Variants in GPC3 observed in about 807,000 individuals in gnomAD.
GPC3 encodes glypican 3, also known as glypican-3.
GPC3 carries 3 observed loss-of-function variants against 34.4 expected under a neutral mutation model. That is an observed-to-expected ratio of 0.09 (90% CI 0.04 to 0.23). GPC3 has a LOEUF of 0.23. Among genes scored for constraint, GPC3 ranks in the 10% least tolerant of loss-of-function variants. The pLI is 1.00. For synonymous variants in GPC3, 177 were observed against 174.0 expected, an observed-to-expected ratio of 1.02 and a Z score of -0.13; for missense variants, 351 against 445.6, an observed-to-expected ratio of 0.79 and a Z score of 1.91.
intron 2 of GPC3, among the ~76,000 whole-genome samples, chrX:133,840,049 T>C (rs899916394): frequency 1.7e-4 from 19 of 110,458 alleles, no homozygotes; most frequent in African/African-American, 6.3e-4. Context: ...AAAAAGGAAC[T>C]AGGTATTAGG....
At chrX:133,653,339 T>C (rs1283718388) in intron 6 of GPC3, among the ~76,000 whole-genome samples, 5 of 111,831 alleles carry the variant, frequency 4.5e-5, no homozygotes, top group African/African-American at 1.3e-4. Flanking sequence ...TGGAACACAA[T>C]CTGAATACAC....
chrX:133,965,272 G>A (rs370804632), intron 1 of GPC3, among the ~76,000 whole-genome samples: 1 of 109,874 alleles, frequency 9.1e-6, no homozygotes, highest in East Asian at 2.9e-4. Flanking sequence ...TTAAGGATCA[G>A]GCTAGAGATC....
intron 1 of GPC3, among the ~76,000 whole-genome samples, chrX:133,958,241 C>T (rs759337694): frequency 8.9e-6 from 1 of 111,849 alleles, no homozygotes; most frequent in Non-Finnish European, 1.9e-5. Flanking sequence ...CTGTCTATAT[C>T]TAAGAAGAGC....
intron 3 of GPC3, among the ~76,000 whole-genome samples, chrX:133,702,012 T>C (rs1388676366): frequency 8.9e-6 from 1 of 112,417 alleles, no homozygotes; most frequent in Non-Finnish European, 1.9e-5. Context: ...TTGGAATGCA[T>C]GATACTGAAT....
At chrX:133,671,097 G>A (rs2070822479) in intron 5 of GPC3, 6 of 699,207 alleles carry the variant, frequency 8.6e-6, no homozygotes, top group Non-Finnish European at 1.4e-5. Context: ...AATTTAGAGT[G>A]CCTAAGACAG....
chrX:133,582,966 A>G (rs1450488524), intron 7 of GPC3, among the ~76,000 whole-genome samples: 6 of 111,556 alleles, frequency 5.4e-5, no homozygotes, highest in African/African-American at 2.0e-4. Flanking sequence ...AGAAATGAGA[A>G]CTGGATTCTT....
chrX:133,828,668 T>G (rs910704890), intron 2 of GPC3, among the ~76,000 whole-genome samples: 1 of 111,371 alleles, frequency 9.0e-6, no homozygotes, highest in African/African-American at 3.3e-5. Context: ...ATGACAGTTA[T>G]GAGAGCCTGG....
chrX:133,919,489 T>C (rs1237031400), intron 2 of GPC3, among the ~76,000 whole-genome samples: 1 of 111,486 alleles, frequency 9.0e-6, no homozygotes, highest in Non-Finnish European at 1.9e-5. Context: ...GTTAAGGAAT[T>C]ACATATAAAA....
intron 3 of GPC3, among the ~76,000 whole-genome samples, chrX:133,731,077 A>T (rs1203144425): frequency 2.7e-5 from 3 of 112,710 alleles, no homozygotes; most frequent in Non-Finnish European, 5.6e-5. Flanking sequence ...AAGTGAGGAT[A>T]CTTTACAGGA....
At chrX:133,831,735 A>G (rs1470910107) in intron 2 of GPC3, among the ~76,000 whole-genome samples, 1 of 112,436 alleles carries the variant, frequency 8.9e-6, no homozygotes, top group Non-Finnish European at 1.9e-5. Context: ...AAAACAAAAA[A>G]ACCTCAACTG....
intron 2 of GPC3, among the ~76,000 whole-genome samples, chrX:133,936,016 G>A (rs764135599): frequency 2.8e-4 from 31 of 109,248 alleles, no homozygotes; most frequent in South Asian, 4.1e-4. Context: ...AGGCTGAAGC[G>A]ATCCTCCCAC....
At chrX:133,800,003 C>G (rs1339114741) in intron 2 of GPC3, among the ~76,000 whole-genome samples, 1 of 111,917 alleles carries the variant, frequency 8.9e-6, no homozygotes, top group Non-Finnish European at 1.9e-5. Context: ...TGCTTTCTGA[C>G]TGACATAAAA....
At chrX:133,718,213 A>T (rs2071332713) in intron 3 of GPC3, among the ~76,000 whole-genome samples, 1 of 112,658 alleles carries the variant, frequency 8.9e-6, no homozygotes, top group African/African-American at 3.2e-5. Flanking sequence ...AACACAATGC[A>T]TAAGCAATAA....
chrX:133,932,130 T>C (rs781375748), intron 2 of GPC3, among the ~76,000 whole-genome samples: 16 of 112,432 alleles, frequency 1.4e-4, no homozygotes, highest in Non-Finnish European at 7.5e-5. Context: ...GTGGATAAAC[T>C]TGCTATTTCT....
chrX:133,954,850 G>A (rs1230841375), intron 1 of GPC3, among the ~76,000 whole-genome samples: 2 of 105,701 alleles, frequency 1.9e-5, no homozygotes, highest in African/African-American at 3.5e-5. Flanking sequence ...CGGGTTCAAG[G>A]GATTCTCCTG....
chrX:133,880,146 T>C (rs1333735714), intron 2 of GPC3, among the ~76,000 whole-genome samples: 1 of 111,996 alleles, frequency 8.9e-6, no homozygotes, highest in Non-Finnish European at 1.9e-5. Flanking sequence ...TAAATGGTAA[T>C]CCAACCCTCA....
intron 2 of GPC3, among the ~76,000 whole-genome samples, chrX:133,935,420 TTG>T (rs1220601013): frequency 9.0e-6 from 1 of 111,295 alleles, no homozygotes; most frequent in Non-Finnish European, 1.9e-5. Context: ...ACAGAAAGAA[TTG>T]TGCAGGACAG....
intron 7 of GPC3, among the ~76,000 whole-genome samples, chrX:133,586,007 G>A (rs1185740936): frequency 1.8e-5 from 2 of 112,077 alleles, no homozygotes. Context: ...AACTTTTACA[G>A]CATTACTCCT....
intron 2 of GPC3, among the ~76,000 whole-genome samples, chrX:133,829,294 G>A (rs986368392): frequency 8.9e-6 from 1 of 112,207 alleles, no homozygotes; most frequent in Non-Finnish European, 1.9e-5. Flanking sequence ...ATATGAATTT[G>A]ATAACAGAGC....
Sources: allele counts gnomAD v4.1 joint callset (sites outside exome capture counted in the v4.1 genomes callset), GRCh38; gene constraint gnomAD v4.1.1; transcripts MANE v1.5; gene names NCBI Gene and HGNC (gene_info 2026-07-23, HGNC 2026-07-21).